Variants in GALNT17 observed in about 807,000 individuals in gnomAD.
GALNT17 encodes UDP-GalNAc:polypeptide N-acetylgalactosaminyltransferase-like 3.
Under a neutral mutation model 63.7 loss-of-function variants are expected in GALNT17, and 29 were observed. The observed-to-expected ratio is 0.46, with a 90% CI of 0.34 to 0.62. The LOEUF (loss-of-function observed/expected upper bound fraction) is 0.62. Ranked by LOEUF, GALNT17 falls within the 20% of genes least tolerant of loss-of-function variation. GALNT17 has a pLI of 0.01. For synonymous variants in GALNT17, 305 were observed against 318.3 expected, an observed-to-expected ratio of 0.96 and a Z score of 0.45; for missense variants, 603 against 799.6, an observed-to-expected ratio of 0.75 and a Z score of 2.97.
intron 9 of GALNT17, among the ~76,000 whole-genome samples, chr7:71,708,764 A>G (rs1323875347): frequency 2.0e-5 from 3 of 152,030 alleles, no homozygotes; most frequent in African/African-American, 7.2e-5. Context: ...CTTTATGTCC[A>G]TGAGTACCCA....
chr7:71,431,578 C>T (rs191649438), intron 5 of GALNT17, among the ~76,000 whole-genome samples: 2 of 152,268 alleles, frequency 1.3e-5, no homozygotes, highest in South Asian at 2.1e-4. Flanking sequence ...CCTTACCCAA[C>T]GTCACACACC....
At chr7:71,423,902 A>G (rs1467031023) in intron 5 of GALNT17, among the ~76,000 whole-genome samples, 1 of 152,204 alleles carries the variant, frequency 6.6e-6, no homozygotes, top group African/African-American at 2.4e-5. Flanking sequence ...AGCCTGGGCA[A>G]TAGAAGGAGA....
intron 1 of GALNT17, among the ~76,000 whole-genome samples, chr7:71,251,791 C>T (rs539934728): frequency 2.2e-4 from 33 of 152,348 alleles, no homozygotes; most frequent in African/African-American, 7.9e-4. Context: ...AAGCTCCCAA[C>T]AGGCAGAAAA....
chr7:71,377,114 A>AAAAAAT, intron 2 of GALNT17, among the ~76,000 whole-genome samples: 832 of 57,322 alleles, frequency 0.015, 122 homozygotes, highest in Non-Finnish European at 0.018. Context: ...AAATAAAAAA[A>AAAAAAT]ATATATATAT....
intron 2 of GALNT17, among the ~76,000 whole-genome samples, chr7:71,338,714 TATTAG>T (rs1791956750): frequency 6.6e-6 from 1 of 152,242 alleles, no homozygotes; most frequent in Non-Finnish European, 1.5e-5. Flanking sequence ...CTCCATTTTC[TATTAG>T]ATTTGTAGTG....
intron 1 of GALNT17, among the ~76,000 whole-genome samples, chr7:71,186,476 C>T (rs1396527178): frequency 1.3e-5 from 2 of 152,210 alleles, no homozygotes; most frequent in East Asian, 3.9e-4. Flanking sequence ...TATCTTTGCT[C>T]TTCTTTGGAC....
intron 6 of GALNT17, among the ~76,000 whole-genome samples, chr7:71,590,283 A>G (rs1443529443): frequency 1.3e-5 from 2 of 152,152 alleles, no homozygotes; most frequent in East Asian, 1.9e-4. Flanking sequence ...TAGCCAAACC[A>G]TTTACTCTAC....
At chr7:71,245,629 C>G (rs920589877) in intron 1 of GALNT17, among the ~76,000 whole-genome samples, 7 of 152,188 alleles carry the variant, frequency 4.6e-5, no homozygotes, top group African/African-American at 1.7e-4. Context: ...CCTGTGGACA[C>G]TGGGGACTGA....
intron 1 of GALNT17, among the ~76,000 whole-genome samples, chr7:71,273,178 T>C (rs1790623561): frequency 6.6e-6 from 1 of 152,188 alleles, no homozygotes; most frequent in Admixed American, 6.5e-5. Context: ...TTTTGTGATT[T>C]TTAATATAAA....
chr7:71,133,361 A>G (rs1450156514), intron 1 of GALNT17, among the ~76,000 whole-genome samples: 1 of 151,868 alleles, frequency 6.6e-6, no homozygotes, highest in East Asian at 2.0e-4. Flanking sequence ...AAACTAGTGG[A>G]GGGGCCACAT....
rs1791783082 is a variant in GALNT17 at position 71,710,913 on chromosome 7, C to T, written c.1653C>T (p.Arg551=). The T allele has an allele frequency of 1.2e-6, 2 of 1,613,706 alleles. No homozygotes were observed. The highest frequency in any genetic ancestry group is 2.2e-5 in the South Asian group (2 of 91,078). Residue 551 remains arginine (R), a synonymous_variant, in exon 10 of 11, where the codon CGC becomes CGT. Transcript: ENST00000333538. ...CDKVKSSLYK[R]WNFIQNGAIM... Reference sequence around the variant, plus strand: ...AGGTCAAGAGCAGCCTGTACAAGCGCTGGAACTTCATCCAGGTGAGTGCTG... The same window carrying T: ...AGGTCAAGAGCAGCCTGTACAAGCGTTGGAACTTCATCCAGGTGAGTGCTG...
intron 5 of GALNT17, among the ~76,000 whole-genome samples, chr7:71,455,275 G>T (rs1032225180): frequency 6.6e-6 from 1 of 152,108 alleles, no homozygotes; most frequent in African/African-American, 2.4e-5. Context: ...CCTATTGAAA[G>T]GGCTGGTTTC....
At chr7:71,371,557 A>G (rs1792624196) in intron 2 of GALNT17, among the ~76,000 whole-genome samples, 1 of 151,988 alleles carries the variant, frequency 6.6e-6, no homozygotes, top group Non-Finnish European at 1.5e-5. Context: ...TATTGCTGTA[A>G]ATGACTTTTT....
At chr7:71,617,043 A>G (rs754561349) in intron 6 of GALNT17, among the ~76,000 whole-genome samples, 110 of 146,204 alleles carry the variant, frequency 7.5e-4, no homozygotes, top group Non-Finnish European at 1.2e-3. Flanking sequence ...GAATATATAA[A>G]TATATTAATT....
At chr7:71,476,248 C>G (rs546569828) in intron 5 of GALNT17, among the ~76,000 whole-genome samples, 2 of 152,144 alleles carry the variant, frequency 1.3e-5, no homozygotes, top group African/African-American at 4.8e-5. Context: ...TGTGAGAGTG[C>G]GAAGGCACAA....
intron 6 of GALNT17, among the ~76,000 whole-genome samples, chr7:71,634,975 G>A (rs1011342675): frequency 2.6e-5 from 4 of 151,930 alleles, no homozygotes; most frequent in Non-Finnish European, 5.9e-5. Context: ...TTGGGAGGCT[G>A]AGGCGGGTGG....
At chr7:71,282,884 G>A (rs1790802373) in intron 1 of GALNT17, among the ~76,000 whole-genome samples, 1 of 152,064 alleles carries the variant, frequency 6.6e-6, no homozygotes, top group Non-Finnish European at 1.5e-5. Context: ...TAGGAGGGAA[G>A]GAGTGCTAGG....
intron 1 of GALNT17, among the ~76,000 whole-genome samples, chr7:71,136,145 A>G (rs968360316): frequency 1.3e-5 from 2 of 152,048 alleles, no homozygotes; most frequent in Admixed American, 1.3e-4. Context: ...TGCGTGTCCC[A>G]TCTGTTGATG....
chr7:71,507,974 A>G (rs1788294007), intron 5 of GALNT17, among the ~76,000 whole-genome samples: 1 of 152,208 alleles, frequency 6.6e-6, no homozygotes, highest in African/African-American at 2.4e-5. Flanking sequence ...AGACAAGTCA[A>G]TGAAGATAAA....
Sources: gnomAD v4.1 joint callset for allele counts (sites outside exome capture counted in the v4.1 genomes callset) on GRCh38, gnomAD v4.1.1 for gene constraint, MANE v1.5 for transcripts, NCBI Gene and HGNC (gene_info 2026-07-23, HGNC 2026-07-21) for gene names.